METTL14: variants seen among roughly 807,000 people sequenced by gnomAD.
METTL14 encodes the protein N(6)-adenosine-methyltransferase non-catalytic subunit METTL14.
METTL14 carries 32 observed loss-of-function variants against 62.4 expected under a neutral mutation model. The ratio of observed to expected loss-of-function variants is 0.51; its 90% CI spans 0.39 to 0.69. The LOEUF is 0.69. Ranked by LOEUF, METTL14 falls within the 30% of genes least tolerant of loss-of-function variation. The probability of loss-of-function intolerance (pLI) is 0.00; values close to 1 mark genes in which losing one functional copy is unlikely to be tolerated. For missense variants in METTL14, 340 were observed against 551.9 expected (o/e 0.62, Z 3.85); for synonymous variants, 150 against 180.0 (o/e 0.83, Z 1.34).
chr4:118,695,752 T>C (rs1724390142), intron 6 of METTL14, among the ~76,000 whole-genome samples: 1 of 152,136 alleles, frequency 6.6e-6, no homozygotes, highest in Non-Finnish European at 1.5e-5. Flanking sequence ...TCCTCAGAAA[T>C]GTATATGAGA....
intron 1 of METTL14, among the ~76,000 whole-genome samples, chr4:118,686,340 A>G (rs940263399): frequency 3.9e-5 from 6 of 152,264 alleles, no homozygotes; most frequent in Non-Finnish European, 7.3e-5. Flanking sequence ...TTTGCTGATT[A>G]GTAGAGTGCA....
chr4:118,685,505 C>T lies in METTL14; in HGVS notation c.-30C>T. ...AGAGTTCACTGGAGATTGACAAGTA[C>T]TCGGGATAGTGAAAAGCCGGAGTTG... On this transcript the variant is annotated 5_prime_UTR_variant, in exon 1 of 11. Coordinates refer to ENST00000388822, the MANE Select transcript of METTL14 (RefSeq NM_020961.4). The T allele has an allele frequency of 6.2e-7, 1 of 1,610,230 alleles. No individual in the cohort carries two copies. Among genetic ancestry groups the T allele is most frequent in the African/African-American group, 1.3e-5 (1 of 74,986 alleles).
chr4:118,707,691 GT>G (rs1724795775), intron 10 of METTL14, among the ~76,000 whole-genome samples: 1 of 148,938 alleles, frequency 6.7e-6, no homozygotes, highest in Non-Finnish European at 1.5e-5. Context: ...AAAGACCTTA[GT>G]TTATTAAGTT....
intron 6 of METTL14, among the ~76,000 whole-genome samples, chr4:118,695,996 G>C (rs143311016): frequency 6.6e-6 from 1 of 151,302 alleles, no homozygotes; most frequent in Non-Finnish European, 1.5e-5. Flanking sequence ...TGTAGTCCCA[G>C]CTATTCGGGA....
rs1294284130 is a variant in METTL14, at chr4:118,687,954, C to T, written c.98C>T (p.Ala33Val). 2 of 1,613,668 alleles carry T rather than the reference C, an allele frequency of 1.2e-6. No homozygotes were observed. Among genetic ancestry groups the T allele is most frequent in the East Asian group, 2.2e-5 (1 of 44,868 alleles). The part of the protein sequence containing the change: ...LGAESADSIG[A>V]VLNSKDEQRE... ...GCTGAAAGTGCCGACAGCATTGGTG[C>T]CGTGTTAAATAGCAAAGATGAGCAG... is the stretch of plus-strand genomic sequence containing the variant. The change falls in exon 2 of 11, where the codon GCC becomes GTC. Residue 33 changes from alanine to valine, a missense_variant. Physicochemically the swap from Ala to Val is moderately conservative, Grantham distance 64. Coordinates refer to ENST00000388822, the MANE Select transcript of METTL14 (RefSeq NM_020961.4).
chr4:118,693,300 C>T (rs1303571806), intron 5 of METTL14, among the ~76,000 whole-genome samples: 8 of 152,064 alleles, frequency 5.3e-5, no homozygotes, highest in African/African-American at 1.9e-4. Flanking sequence ...AGAGAAATAT[C>T]CTAATACTTT....
intron 1 of METTL14, among the ~76,000 whole-genome samples, chr4:118,686,083 T>C (rs1724047421): frequency 6.6e-6 from 1 of 152,204 alleles, no homozygotes; most frequent in African/African-American, 2.4e-5. Flanking sequence ...CTGCATCTTA[T>C]ATAGAGTATC....
intron 1 of METTL14, among the ~76,000 whole-genome samples, chr4:118,686,010 G>C (rs1724044419): frequency 6.6e-6 from 1 of 152,182 alleles, no homozygotes; most frequent in Admixed American, 6.5e-5. Flanking sequence ...TACGTTTACA[G>C]TATTTTCTTT....
At chr4:118,686,059 G>A (rs1388517607) in intron 1 of METTL14, among the ~76,000 whole-genome samples, 1 of 152,190 alleles carries the variant, frequency 6.6e-6, no homozygotes, top group Non-Finnish European at 1.5e-5. Flanking sequence ...TAGCCTGAGT[G>A]TAAATTTTAG....
intron 6 of METTL14, among the ~76,000 whole-genome samples, chr4:118,696,630 TTTCAG>T (rs2110468399): frequency 6.6e-6 from 1 of 152,256 alleles, no homozygotes; most frequent in Non-Finnish European, 1.5e-5. Flanking sequence ...GACAATAACT[TTTCAG>T]TAAAGGCCAG....
chr4:118,688,989 G>C (rs1724161788), intron 2 of METTL14, among the ~76,000 whole-genome samples: 1 of 152,108 alleles, frequency 6.6e-6, no homozygotes, highest in Non-Finnish European at 1.5e-5. Context: ...TTTTATAAAA[G>C]AAAATATACT....
In METTL14 at chr4:118,705,582, A is replaced by G. The variant is rs573950399; in HGVS notation, c.856-29A>G. The G allele has an allele frequency of 1.9e-5, 29 of 1,564,786 alleles. No individual in the cohort carries two copies. In the Middle Eastern group the frequency reaches 5.0e-4, roughly 27 times the overall value. On this transcript the variant is annotated intron_variant, in intron 9 of 10. Transcript: ENST00000388822. The stretch of plus-strand genomic sequence containing the variant: ...TTTTGGAATGACTGTTGATGAAAAC[A>G]GATTAATTGGTCTGCTCTTGTTATT...
chr4:118,697,371 AAT>A (rs769957440), intron 7 of METTL14, 48 bp downstream of exon 7: 1 of 1,474,096 alleles, frequency 6.8e-7, no homozygotes, highest in African/African-American at 1.4e-5. Flanking sequence ...TTTTCAAATG[AAT>A]ATGTTTATTT....
At chr4:118,700,759 C>A in intron 8 of METTL14, 117 bp downstream of exon 8, 16 of 652,146 alleles carry the variant, frequency 2.5e-5, no homozygotes, top group South Asian at 5.8e-5. Context: ...TTAAATAATT[C>A]TAAAATAGTG....
At chr4:118,690,648 C>G (rs1178302920) in intron 3 of METTL14, among the ~76,000 whole-genome samples, 3 of 150,768 alleles carry the variant, frequency 2.0e-5, no homozygotes, top group East Asian at 2.0e-4. Flanking sequence ...CCACTGCACT[C>G]CAGCCTGGGC....
At position 118,689,826 on chromosome 4, in the gene METTL14, G is replaced by T. The variant is rs772631978; in HGVS notation, c.243+369G>T. On this transcript the variant is annotated intron_variant, in intron 3 of 10. Transcript: ENST00000388822. ...AGCTAATTTTTGTATTTTTAGTAGAGACAGGGTTTCACCATGTTGGCCAGG... is the reference window on the plus strand; with the variant it reads ...AGCTAATTTTTGTATTTTTAGTAGATACAGGGTTTCACCATGTTGGCCAGG... Among the ~76,000 whole-genome samples the T allele has an allele frequency of 2.6e-4, 40 of 151,558 alleles. 1 individual carries two copies. In the Middle Eastern group the frequency reaches 0.01, roughly 39 times the overall value.
intron 5 of METTL14, among the ~76,000 whole-genome samples, chr4:118,694,124 T>C (rs1724333440): frequency 6.7e-6 from 1 of 148,518 alleles, no homozygotes; most frequent in African/African-American, 2.5e-5. Flanking sequence ...AGAAAGGTAG[T>C]TGTTTTTTTT....
chr4:118,699,022 C>T (rs533315887), intron 7 of METTL14, among the ~76,000 whole-genome samples: 11 of 151,942 alleles, frequency 7.2e-5, no homozygotes, highest in Non-Finnish European at 1.2e-4. Flanking sequence ...TGAAGAGAAC[C>T]AGGAGAGTAT....
chr4:118,697,345 T>C (rs866876726), intron 7 of METTL14, 22 bp downstream of exon 7: 1 of 1,562,138 alleles, frequency 6.4e-7, no homozygotes, highest in Middle Eastern at 1.7e-4. Context: ...CTTTCTACAT[T>C]GTAATGAATT....
Sources: allele counts gnomAD v4.1 joint callset (sites outside exome capture counted in the v4.1 genomes callset), GRCh38; gene constraint gnomAD v4.1.1; transcripts MANE v1.5; gene names NCBI Gene and HGNC (gene_info 2026-07-23, HGNC 2026-07-21).